The following CPD variants were observed in gnomAD, a reference collection of about 807,000 sequenced individuals.
CPD encodes the protein carboxypeptidase D, also known as metallocarboxypeptidase D.
A neutral mutation model predicts 138.3 loss-of-function variants in CPD; 69 were observed. That is an observed-to-expected ratio of 0.50 (90% confidence interval 0.41 to 0.61). The LOEUF (loss-of-function observed/expected upper bound fraction) is 0.61. Ranked by LOEUF, CPD falls within the 20% of genes least tolerant of loss-of-function variation. The probability of loss-of-function intolerance (pLI) is 0.00; values close to 1 mark genes in which losing one functional copy is unlikely to be tolerated. For synonymous variants in CPD, 651 were observed against 642.1 expected (o/e 1.01, Z -0.21); for missense variants, 1,432 against 1,733.3 (o/e 0.83, Z 3.09).
At chr17:30,419,211 G>T (rs951701450) in intron 2 of CPD, among the ~76,000 whole-genome samples, 1 of 152,050 alleles carries the variant, frequency 6.6e-6, no homozygotes, top group Non-Finnish European at 1.5e-5. Flanking sequence ...TGTAAGCCCC[G>T]GTTCTTTGAT....
Position 30,379,677 on chromosome 17 carries a change from G to A in CPD, c.697G>A (p.Asp233Asn), listed in dbSNP as rs770806750. The change falls in exon 1 of 21, where the codon GAC becomes AAC. Residue 233 changes from aspartate to asparagine, a missense_variant. Physicochemically the swap from Asp to Asn is conservative, Grantham distance 23 (BLOSUM62 1). Around this residue, in one of 6 missense-constraint regions of CPD, gnomAD observed 484 missense variants for 477.2 expected, o/e 1.01. Transcript: ENST00000225719. The surrounding 1 kb of genome is among the most constrained non-coding windows in gnomAD (Gnocchi z 7.0). ...QFSTGEPPALDEVPEVRALIE... is the reference protein window; with the variant it reads ...QFSTGEPPALNEVPEVRALIE... ...TAGCACCGGCGAACCCCCCGCCCTG[G>A]ACGAGGTGCCCGAGGTGCGCGCCCT... 6 of 1,523,238 alleles carry A rather than the reference G, an allele frequency of 3.9e-6. No individual in the cohort carries two copies. Among genetic ancestry groups the A allele is most frequent in the East Asian group, 5.2e-5 (2 of 38,750 alleles). 94.4% of individuals were successfully genotyped at this position (1,523,238 alleles called of 1,614,324 possible). A position where few individuals can be genotyped will look rare whatever the true frequency, so the allele number is the denominator to read the frequency against.
At chr17:30,410,238 C>A (rs1363407769) in intron 2 of CPD, among the ~76,000 whole-genome samples, 1 of 152,064 alleles carries the variant, frequency 6.6e-6, no homozygotes, top group Non-Finnish European at 1.5e-5. Flanking sequence ...GTTGTGATTT[C>A]TGTTCTTTTA....
In CPD at chr17:30,465,157, G is replaced by C. The variant is rs1427238883; in HGVS notation, c.*343G>C. 1 of 201,052 alleles carries C rather than the reference G, an allele frequency of 5.0e-6. No individual in the cohort carries two copies. Among genetic ancestry groups the C allele is most frequent in the African/African-American group, 2.4e-5 (1 of 42,454 alleles). 12.5% of individuals were successfully genotyped at this position (201,052 alleles called of 1,614,324 possible). A position where few individuals can be genotyped will look rare whatever the true frequency, so the allele number is the denominator to read the frequency against. ...CATCAGATGTTTACTAGTGGCTTTA[G>C]TATTTTTCTTTGTTTTAAATGGCCA... On this transcript the variant is annotated 3_prime_UTR_variant, in exon 21 of 21. Coordinates refer to ENST00000225719, the MANE Select transcript of CPD (RefSeq NM_001304.5).
intron 7 of CPD, 106 bp from the exon 8 acceptor site, chr17:30,431,666 G>T: frequency 1.4e-6 from 1 of 731,578 alleles, no homozygotes. Flanking sequence ...ATTCTGCTTG[G>T]CAAATTTTAT....
Position 30,427,526 on chromosome 17 carries a change from A to T in CPD, c.1985A>T (p.Tyr662Phe). 6.2e-7 allele frequency: 1 copy of T among 1,614,124 alleles called. No homozygotes were observed. The highest frequency in any genetic ancestry group is 8.5e-7 in the Non-Finnish European group (1 of 1,179,984). Residue 662 changes from tyrosine (Y) to phenylalanine (F), a missense_variant, in exon 7 of 21, where the codon TAT becomes TTT. Tyr to Phe is a conservative substitution (Grantham distance 22, BLOSUM62 3). Around this residue, in one of 6 missense-constraint regions of CPD, gnomAD observed 297 missense variants for 405.3 expected, o/e 0.73. Coordinates refer to ENST00000225719, the MANE Select transcript of CPD (RefSeq NM_001304.5). The part of the protein sequence containing the change: ...TIAVMSWMKS[Y>F]PFVLSANLHG... ...GCTGTAATGAGCTGGATGAAGTCCTATCCATTTGTACTTTCAGCAAACCTG... is the reference window on the plus strand; with the variant it reads ...GCTGTAATGAGCTGGATGAAGTCCTTTCCATTTGTACTTTCAGCAAACCTG...
At chr17:30,382,995 TC>T (rs1362915690) in intron 1 of CPD, among the ~76,000 whole-genome samples, 2 of 152,200 alleles carry the variant, frequency 1.3e-5, no homozygotes, top group Non-Finnish European at 2.9e-5. Context: ...CTTATAACTT[TC>T]CCAGAGTCAG....
chr17:30,393,397 T>C (rs1454421503), intron 2 of CPD, among the ~76,000 whole-genome samples: 2 of 152,226 alleles, frequency 1.3e-5, no homozygotes, highest in Non-Finnish European at 2.9e-5. Context: ...TGAGGAGTAT[T>C]TTCTGTGTCA....
In CPD at chr17:30,465,299, A is replaced by C. The variant is rs142716594; in HGVS notation, c.*485A>C. 2.4e-4 allele frequency: 38 copies of C among 158,028 alleles called. No homozygotes were observed. In the East Asian group the frequency reaches 5.8e-3, roughly 24 times the overall value. 9.8% of individuals were successfully genotyped at this position (158,028 alleles called of 1,614,324 possible). The stretch of plus-strand genomic sequence containing the variant: ...TTTTCTCTAGTTGTTAAATAGCTGG[A>C]GTTTTTCTTATTCAGGTTTAATGGA... On this transcript the variant is annotated 3_prime_UTR_variant, in exon 21 of 21. Transcript: ENST00000225719.
At chr17:30,436,557 A>C (rs887514433) in intron 8 of CPD, among the ~76,000 whole-genome samples, 8 of 152,260 alleles carry the variant, frequency 5.3e-5, no homozygotes, top group Non-Finnish European at 8.8e-5. Flanking sequence ...ATGCAAGTCA[A>C]TACCACAATG....
At position 30,431,755 on chromosome 17, in the gene CPD, C is replaced by G. The variant is rs1370848393; in HGVS notation, c.2018-17C>G. On this transcript the variant is annotated splice_polypyrimidine_tract_variant and intron_variant, in intron 7 of 20. Transcript: ENST00000225719. Reference sequence around the variant, plus strand: ...TGAAACAGACAACATGATACATTTTCCTCTTTTCCCTTATAGGTTCTTTGG... The same window carrying G: ...TGAAACAGACAACATGATACATTTTGCTCTTTTCCCTTATAGGTTCTTTGG... 2.0e-6 allele frequency: 3 copies of G among 1,505,516 alleles called. No individual in the cohort carries two copies. The African/African-American group carries it at 4.1e-5, about 21-fold the overall frequency. 93.3% of individuals were successfully genotyped at this position (1,505,516 alleles called of 1,614,324 possible).
rs1170609305 is a variant in CPD at position 30,403,321 on chromosome 17, T to G, written c.995-17520T>G. 1.3e-5 allele frequency among the ~76,000 whole-genome samples: 2 copies of G among 152,170 alleles called. 1 individual carries two copies. The highest frequency in any genetic ancestry group is 1.3e-4 in the Admixed American group (2 of 15,270). ...GGGTGCTGGGCAGTAACCTGTTTTG[T>G]AGTTCAGTTCTCAGTGCTTTTGGTG... On this transcript the variant is annotated intron_variant, in intron 2 of 20. Transcript: ENST00000225719.
At chr17:30,409,129 AT>A (rs58704182) in intron 2 of CPD, among the ~76,000 whole-genome samples, 151,641 of 152,254 alleles carry the variant, frequency 1, 75,517 homozygotes, top group Middle Eastern at 1. Context: ...GGTTTTTGTC[AT>A]TTGGTTGTGT....
Position 30,389,275 on chromosome 17 carries a change from A to G in CPD, c.994+4039A>G, listed in dbSNP as rs529578279. Among the ~76,000 whole-genome samples, 10 of 152,274 alleles carry G rather than the reference A, an allele frequency of 6.6e-5. No individual in the cohort carries two copies. The South Asian group carries it at 2.1e-3, about 32-fold the overall frequency. On this transcript the variant is annotated intron_variant, in intron 2 of 20. Transcript: ENST00000225719. Reference sequence around the variant, plus strand: ...ATTTTCTGATCCTCCTATAGTTTCTACCAGTGTTTCTTGTATATCAGAAGC... The same window carrying G: ...ATTTTCTGATCCTCCTATAGTTTCTGCCAGTGTTTCTTGTATATCAGAAGC...
At chr17:30,387,767 T>C (rs890796180) in intron 2 of CPD, among the ~76,000 whole-genome samples, 1 of 152,198 alleles carries the variant, frequency 6.6e-6, no homozygotes, top group Non-Finnish European at 1.5e-5. Flanking sequence ...CCAAAATGGG[T>C]CATAAGTTTG....
intron 17 of CPD, among the ~76,000 whole-genome samples, chr17:30,460,477 GC>G (rs1913441195): frequency 6.6e-6 from 1 of 152,150 alleles, no homozygotes; most frequent in Non-Finnish European, 1.5e-5. Context: ...CCTAGGTTAT[GC>G]TAGTGGCAAC....
At chr17:30,418,542 A>T (rs1912180012) in intron 2 of CPD, among the ~76,000 whole-genome samples, 1 of 152,122 alleles carries the variant, frequency 6.6e-6, no homozygotes. Context: ...CTCCCAGCCT[A>T]TTTCATTTTT....
chr17:30,379,664 AC>A lies in CPD; in HGVS notation c.690del (p.Ala231ProfsTer32), dbSNP rs1597701947. The stretch of plus-strand genomic sequence containing the variant: ...TTCCCGACCAGTTTAGCACCGGCGA[AC>A]CCCCCGCCCTGGACGAGGTGCCCGA... The part of the protein sequence containing the change: ...SFPDQFSTGE[P>X]PALDEVPEVR... On this transcript the variant is annotated frameshift_variant, in exon 1 of 21. Coordinates refer to ENST00000225719, the MANE Select transcript of CPD (RefSeq NM_001304.5). LOFTEE classifies it high-confidence loss of function. This position sits in a 1 kb window ranked among gnomAD's most constrained non-coding sequence, Gnocchi z 7.0. 8.5e-6 allele frequency: 13 copies of A among 1,523,944 alleles called. No individual in the cohort carries two copies. The Admixed American group carries it at 9.2e-5, about 11-fold the overall frequency. The allele number at this position is 1,523,944 out of a possible 1,614,324, so 94.4% of individuals were successfully genotyped here. A position where few individuals can be genotyped will look rare whatever the true frequency, so the allele number is the denominator to read the frequency against.
intron 18 of CPD, 81 bp downstream of exon 18, chr17:30,461,392 C>A: frequency 2.8e-6 from 3 of 1,089,476 alleles, no homozygotes; most frequent in Non-Finnish European, 3.7e-6. Context: ...TGTCTTTTAC[C>A]AAAAATGTAT....
At chr17:30,398,594 G>GTTCTAGC (rs1555606949) in intron 2 of CPD, among the ~76,000 whole-genome samples, 1 of 151,962 alleles carries the variant, frequency 6.6e-6, no homozygotes, top group Non-Finnish European at 1.5e-5. Context: ...CTTTGGGTAA[G>GTTCTAGC]TAGGTTTTGT....
Sources: allele counts gnomAD v4.1 joint callset (sites outside exome capture counted in the v4.1 genomes callset), GRCh38; gene constraint gnomAD v4.1.1; regional missense constraint gnomAD v4.1.1; non-coding constraint Gnocchi (gnomAD v3.1); transcripts MANE v1.5; gene names NCBI Gene and HGNC (gene_info 2026-07-23, HGNC 2026-07-21).